Variants in CADM2 observed in about 807,000 individuals in gnomAD.
CADM2 encodes cell adhesion molecule 2, also known as immunoglobulin superfamily member 4D.
In CADM2, 12 loss-of-function variants were observed where a neutral mutation model predicts 49.8. That is an observed-to-expected ratio of 0.24 (90% CI 0.15 to 0.39). CADM2 has a LOEUF of 0.39. Among genes scored for constraint, CADM2 ranks in the 10% least tolerant of loss-of-function variants. The probability of loss-of-function intolerance (pLI) is 1.00; values close to 1 mark genes in which losing one functional copy is unlikely to be tolerated. For missense variants in CADM2, 378 were observed against 492.3 expected, an observed-to-expected ratio of 0.77 and a Z score of 2.20; for synonymous variants, 214 against 175.4, an observed-to-expected ratio of 1.22 and a Z score of -1.74.
intron 2 of CADM2, among the ~76,000 whole-genome samples, chr3:85,736,456 G>A (rs756682566): frequency 3.9e-5 from 6 of 152,170 alleles, no homozygotes; most frequent in Non-Finnish European, 5.9e-5. Context: ...TAACTAGTGA[G>A]CATTAACTGG....
intron 1 of CADM2, among the ~76,000 whole-genome samples, chr3:85,199,917 C>G (rs560648431): frequency 2.0e-5 from 3 of 152,120 alleles, no homozygotes; most frequent in African/African-American, 7.2e-5. Context: ...GAAAAGTTTA[C>G]TGTATCTTAT....
chr3:85,062,037 GTCTCTCTC>G (rs994463032), intron 1 of CADM2, among the ~76,000 whole-genome samples: 1 of 150,544 alleles, frequency 6.6e-6, no homozygotes, highest in African/African-American at 2.4e-5. Flanking sequence ...CTGTCTCTCT[GTCTCTCTC>G]TCTGTCTCTC....
chr3:85,965,282 CAT>C (rs981500725), intron 8 of CADM2, among the ~76,000 whole-genome samples: 3 of 146,980 alleles, frequency 2.0e-5, no homozygotes, highest in Admixed American at 1.4e-4. Flanking sequence ...TATAAATAAT[CAT>C]AATAAATATT....
chr3:86,050,233 T>G (rs1221185435), intron 8 of CADM2, among the ~76,000 whole-genome samples: 2 of 152,226 alleles, frequency 1.3e-5, no homozygotes, highest in Non-Finnish European at 2.9e-5. Flanking sequence ...TCATTAAATC[T>G]TAAAGCTTCA....
chr3:84,997,064 C>G (rs1196728579), intron 1 of CADM2, among the ~76,000 whole-genome samples: 1 of 152,110 alleles, frequency 6.6e-6, no homozygotes, highest in Non-Finnish European at 1.5e-5. Flanking sequence ...TGTAGCAGAA[C>G]TGTGTCCTGG....
At chr3:85,990,875 T>G (rs1464479105) in intron 8 of CADM2, among the ~76,000 whole-genome samples, 1 of 152,138 alleles carries the variant, frequency 6.6e-6, no homozygotes, top group Non-Finnish European at 1.5e-5. Context: ...TTCAAGTAAG[T>G]AGTTAAGTGT....
At chr3:85,797,882 A>T (rs4504176) in intron 2 of CADM2, among the ~76,000 whole-genome samples, 107,705 of 152,146 alleles carry the variant, frequency 0.71, 39,637 homozygotes, top group African/African-American at 0.92. Flanking sequence ...ACCAACAGTG[A>T]AAAAGCGTGC....
intron 3 of CADM2, among the ~76,000 whole-genome samples, chr3:85,880,283 A>G (rs1712548139): frequency 6.6e-6 from 1 of 151,848 alleles, no homozygotes; most frequent in African/African-American, 2.4e-5. Flanking sequence ...TGTCTTAAGT[A>G]TTCCTTCTAT....
chr3:85,140,068 C>T (rs959931134), intron 1 of CADM2, among the ~76,000 whole-genome samples: 1 of 152,096 alleles, frequency 6.6e-6, no homozygotes, highest in Admixed American at 6.6e-5. Flanking sequence ...TGATGATATG[C>T]TATAAACCAG....
intron 3 of CADM2, among the ~76,000 whole-genome samples, chr3:85,865,846 C>A (rs2075703142): frequency 6.6e-6 from 1 of 152,040 alleles, no homozygotes; most frequent in Non-Finnish European, 1.5e-5. Flanking sequence ...CATGGATAAA[C>A]CTGAAATGAG....
In CADM2 at chr3:85,374,165, A is replaced by T. The variant is rs534296527; in HGVS notation, c.62-352357A>T. The stretch of plus-strand genomic sequence containing the variant: ...TAAACATAAGTTCCAATACCAAACC[A>T]TATCTTTATAAGTTAATAAAATGTG... On this transcript the variant is annotated intron_variant, in intron 1 of 9. Coordinates refer to ENST00000383699, the MANE Select transcript of CADM2 (RefSeq NM_001167675.2). Among the ~76,000 whole-genome samples, 11 of 152,232 alleles carry T rather than the reference A, an allele frequency of 7.2e-5. No homozygotes were observed. The South Asian group carries it at 2.3e-3, about 32-fold the overall frequency.
intron 8 of CADM2, among the ~76,000 whole-genome samples, chr3:86,003,585 G>A (rs1176715623): frequency 6.6e-6 from 1 of 152,032 alleles, no homozygotes; most frequent in African/African-American, 2.4e-5. Flanking sequence ...ATTATATATG[G>A]AATAATCTCA....
chr3:84,999,365 C>A (rs763942541), intron 1 of CADM2, among the ~76,000 whole-genome samples: 2 of 152,014 alleles, frequency 1.3e-5, no homozygotes, highest in Non-Finnish European at 2.9e-5. Context: ...TAATATATAT[C>A]GTTGAATCAT....
chr3:85,001,664 A>G (rs2033470906), intron 1 of CADM2, among the ~76,000 whole-genome samples: 1 of 152,084 alleles, frequency 6.6e-6, no homozygotes, highest in Non-Finnish European at 1.5e-5. Flanking sequence ...AAGAGTTAAG[A>G]TTAATTATAC....
Position 86,020,084 on chromosome 3 carries a change from C to T in CADM2, c.971-45521C>T, listed in dbSNP as rs4053697. ...GAAAGGATCAACAAAATTGATGGAC[C>T]GCTAGCAAGACTAATAAAGAAAAAA... On this transcript the variant is annotated intron_variant, in intron 8 of 9. Coordinates refer to ENST00000383699, the MANE Select transcript of CADM2 (RefSeq NM_001167675.2). Among the ~76,000 whole-genome samples the T allele has an allele frequency of 3.2e-4, 48 of 151,806 alleles. 1 individual carries two copies. Among genetic ancestry groups the T allele is most frequent in the African/African-American group, 1.1e-3 (44 of 41,364 alleles).
At chr3:85,049,327 G>GTTTATTTATTTATTTATTTA (rs141705505) in intron 1 of CADM2, among the ~76,000 whole-genome samples, 8 of 146,236 alleles carry the variant, frequency 5.5e-5, no homozygotes, top group African/African-American at 1.5e-4. Context: ...TGCAGGTTTA[G>GTTTATTTATTTATTTATTTA]TTTATTTATT....
chr3:85,904,540 T>C (rs1716535182), intron 5 of CADM2, among the ~76,000 whole-genome samples: 1 of 152,222 alleles, frequency 6.6e-6, no homozygotes, highest in Admixed American at 6.5e-5. Flanking sequence ...CTCTATCTGT[T>C]CTTACTAAGA....
intron 1 of CADM2, among the ~76,000 whole-genome samples, chr3:85,443,001 T>G (rs1006500903): frequency 6.6e-6 from 1 of 152,030 alleles, no homozygotes; most frequent in Admixed American, 6.6e-5. Flanking sequence ...AATTTATGTC[T>G]TGAAACATGG....
chr3:85,865,032 A>G lies in CADM2; in HGVS notation c.239-18259A>G, dbSNP rs368905552. Among the ~76,000 whole-genome samples, 121 of 152,326 alleles carry G rather than the reference A, an allele frequency of 7.9e-4. No individual in the cohort carries two copies. In the East Asian group the frequency reaches 9.8e-3, roughly 12 times the overall value. On this transcript the variant is annotated intron_variant, in intron 3 of 9. Transcript: ENST00000383699. ...CTTTTTAAATCAAGACATTTTAGGCAGGGCACTGTGATCCAGTTAGAGAGG... is the reference window on the plus strand; with the variant it reads ...CTTTTTAAATCAAGACATTTTAGGCGGGGCACTGTGATCCAGTTAGAGAGG...
Sources: gnomAD v4.1 joint callset for allele counts (sites outside exome capture counted in the v4.1 genomes callset) on GRCh38, gnomAD v4.1.1 for gene constraint, MANE v1.5 for transcripts, NCBI Gene and HGNC (gene_info 2026-07-23, HGNC 2026-07-21) for gene names.